DNAH14: variants seen among roughly 807,000 people sequenced by gnomAD.
The protein encoded by DNAH14 is axonemal beta dynein heavy chain 14.
A neutral mutation model predicts 520.9 loss-of-function variants in DNAH14; 478 were observed. That is an observed-to-expected ratio of 0.92 (90% CI 0.85 to 0.99). The LOEUF is 0.99. Ranked by LOEUF, DNAH14 falls within the 50% of genes least tolerant of loss-of-function variation. The pLI, the probability that DNAH14 is intolerant of heterozygous loss-of-function variation, is 0.00. For synonymous variants in DNAH14, 1,581 were observed against 1,757.2 expected (o/e 0.90, Z 2.51); for missense variants, 4,831 against 5,234.5 (o/e 0.92, Z 2.38).
chr1:225,058,693 C>G (rs1396100668), intron 17 of DNAH14, among the ~76,000 whole-genome samples: 1 of 152,126 alleles, frequency 6.6e-6, no homozygotes, highest in Non-Finnish European at 1.5e-5. Context: ...CCTCTACACA[C>G]TGCTTTGAAT....
At chr1:225,233,266 A>G (rs1237537088) in intron 42 of DNAH14, among the ~76,000 whole-genome samples, 1 of 152,174 alleles carries the variant, frequency 6.6e-6, no homozygotes, top group African/African-American at 2.4e-5. Context: ...TGCAGTGAAC[A>G]TATGTGTGCG....
chr1:225,269,395 A>T (rs1037898116), intron 49 of DNAH14, among the ~76,000 whole-genome samples: 1 of 152,236 alleles, frequency 6.6e-6, no homozygotes, highest in Non-Finnish European at 1.5e-5. Context: ...AACCTAGGCA[A>T]TACCATTCAG....
intron 54 of DNAH14, 51 bp downstream of exon 54, chr1:225,277,553 TC>T (rs1390988006): frequency 6.5e-6 from 3 of 461,266 alleles, no homozygotes; most frequent in Admixed American, 5.0e-5. Flanking sequence ...ATAAAATAAA[TC>T]CCAATAAAAT....
intron 61 of DNAH14, among the ~76,000 whole-genome samples, chr1:225,321,133 G>C (rs1429374335): frequency 6.6e-6 from 1 of 152,092 alleles, no homozygotes; most frequent in Non-Finnish European, 1.5e-5. Context: ...AATTATTTCA[G>C]AATAAAGTGC....
intron 38 of DNAH14, among the ~76,000 whole-genome samples, chr1:225,201,997 T>G (rs529495089): frequency 1.3e-5 from 2 of 149,582 alleles, no homozygotes; most frequent in East Asian, 4.1e-4. Flanking sequence ...TGCCTCAGCC[T>G]CCCCAGTAGC....
intron 20 of DNAH14, among the ~76,000 whole-genome samples, chr1:225,083,992 T>A (rs945748463): frequency 7.2e-5 from 11 of 152,138 alleles, no homozygotes; most frequent in Admixed American, 5.2e-4. Context: ...TAGGTACATA[T>A]GATAGCAGCT....
chr1:225,303,983 A>C (rs2094189797), intron 57 of DNAH14, among the ~76,000 whole-genome samples: 1 of 152,140 alleles, frequency 6.6e-6, no homozygotes, highest in South Asian at 2.1e-4. Context: ...AGCAAAGGCC[A>C]AGGAGGACAG....
intron 55 of DNAH14, among the ~76,000 whole-genome samples, chr1:225,295,160 TCTAA>T (rs1428237166): frequency 7.9e-5 from 12 of 152,160 alleles, no homozygotes; most frequent in Admixed American, 6.5e-4. Flanking sequence ...TTTTAGTTTG[TCTAA>T]CTAATAGTTG....
chr1:225,028,681 G>A (rs184363395), intron 11 of DNAH14, among the ~76,000 whole-genome samples: 334 of 152,052 alleles, frequency 2.2e-3, no homozygotes, highest in African/African-American at 7.6e-3. Context: ...GAAACAGATT[G>A]CAAATAAATG....
At chr1:225,277,863 G>A (rs1053085304) in intron 54 of DNAH14, among the ~76,000 whole-genome samples, 1 of 152,078 alleles carries the variant, frequency 6.6e-6, no homozygotes, top group Non-Finnish European at 1.5e-5. Flanking sequence ...GAGAACAAGC[G>A]GGAGTTAAAA....
At chr1:224,979,883 C>T (rs1310179747) in intron 8 of DNAH14, among the ~76,000 whole-genome samples, 1 of 152,132 alleles carries the variant, frequency 6.6e-6, no homozygotes, top group African/African-American at 2.4e-5. Flanking sequence ...TATAGACATA[C>T]CCTGGACTAG....
At chr1:225,247,496 T>C (rs1384286166) in intron 43 of DNAH14, among the ~76,000 whole-genome samples, 2 of 151,994 alleles carry the variant, frequency 1.3e-5, no homozygotes, top group Admixed American at 6.6e-5. Flanking sequence ...GAAAAAGATA[T>C]GGAAGAACAG....
At chr1:225,181,238 C>T (rs1315116855) in intron 36 of DNAH14, among the ~76,000 whole-genome samples, 1 of 152,062 alleles carries the variant, frequency 6.6e-6, no homozygotes, top group Non-Finnish European at 1.5e-5. Flanking sequence ...TTAATGGGCA[C>T]CTAGGTTGAT....
intron 36 of DNAH14, among the ~76,000 whole-genome samples, chr1:225,171,689 G>T (rs960071100): frequency 6.6e-6 from 1 of 152,134 alleles, no homozygotes; most frequent in Admixed American, 6.5e-5. Flanking sequence ...TCTGTCAGAG[G>T]TACAAGGAGG....
intron 27 of DNAH14, among the ~76,000 whole-genome samples, chr1:225,131,084 A>G (rs1490998683): frequency 1.3e-5 from 2 of 152,166 alleles, no homozygotes; most frequent in African/African-American, 2.4e-5. Flanking sequence ...TGGTGAATAT[A>G]TAAGTATTCA....
intron 23 of DNAH14, among the ~76,000 whole-genome samples, chr1:225,106,021 A>G (rs545865935): frequency 4.4e-5 from 6 of 136,650 alleles, no homozygotes; most frequent in Non-Finnish European, 8.9e-5. Context: ...GGCTGGTACC[A>G]GTTGTTCCTT....
At chr1:225,332,827 C>T (rs1446705307) in intron 65 of DNAH14, among the ~76,000 whole-genome samples, 1 of 112,770 alleles carries the variant, frequency 8.9e-6, no homozygotes, top group Non-Finnish European at 1.7e-5. Flanking sequence ...GATCCTGTCT[C>T]TACAAAAAAA....
At chr1:224,931,815 A>G (rs1461078665) in intron 1 of DNAH14, among the ~76,000 whole-genome samples, 1 of 152,102 alleles carries the variant, frequency 6.6e-6, no homozygotes, top group Non-Finnish European at 1.5e-5. Context: ...ATAATATTTC[A>G]TTTTGTATAT....
chr1:225,246,773 T>C (rs2092308648), intron 43 of DNAH14, among the ~76,000 whole-genome samples: 2 of 152,194 alleles, frequency 1.3e-5, no homozygotes, highest in South Asian at 2.1e-4. Context: ...GCTTTTACAC[T>C]GTTGGTGGGA....
Sources: allele counts gnomAD v4.1 joint callset (sites outside exome capture counted in the v4.1 genomes callset), GRCh38; gene constraint gnomAD v4.1.1; transcripts MANE v1.5; gene names NCBI Gene and HGNC (gene_info 2026-07-23, HGNC 2026-07-21).